LURAP1L: variants seen among roughly 807,000 people sequenced by gnomAD.
LURAP1L encodes leucine rich adaptor protein 1 like.
LURAP1L carries 12 observed loss-of-function variants against 13.8 expected under a neutral mutation model. The ratio of observed to expected loss-of-function variants is 0.87; its 90% CI spans 0.56 to 1.41. The LOEUF (loss-of-function observed/expected upper bound fraction) is 1.41. Ranked by LOEUF, LURAP1L falls within the 40% of genes most tolerant of loss-of-function variation. The pLI is 0.00. For synonymous variants in LURAP1L, 139 were observed against 119.2 expected (o/e 1.17, Z -1.08); for missense variants, 375 against 292.9 (o/e 1.28, Z -2.04).
chr9:12,795,589 G>C (rs1414637431), intron 1 of LURAP1L, among the ~76,000 whole-genome samples: 2 of 151,966 alleles, frequency 1.3e-5, no homozygotes, highest in Non-Finnish European at 2.9e-5. Flanking sequence ...TGGAGTTAAT[G>C]AGAACAAGAC....
intron 1 of LURAP1L, among the ~76,000 whole-genome samples, chr9:12,810,883 A>G (rs987701281): frequency 3.4e-5 from 5 of 148,900 alleles, no homozygotes; most frequent in African/African-American, 1.2e-4. Context: ...CACCACATGA[A>G]AAACAAAACA....
At chr9:12,805,166 C>G (rs532091675) in intron 1 of LURAP1L, among the ~76,000 whole-genome samples, 13 of 152,056 alleles carry the variant, frequency 8.5e-5, no homozygotes, top group African/African-American at 2.2e-4. Context: ...TCTGAGGCAG[C>G]ATTTTTATCT....
chr9:12,781,921 TTATTG>T (rs1428584799), intron 1 of LURAP1L, among the ~76,000 whole-genome samples: 1 of 152,146 alleles, frequency 6.6e-6, no homozygotes, highest in Non-Finnish European at 1.5e-5. Context: ...CCGGCATTAA[TTATTG>T]TTTGTTGTTT....
At chr9:12,776,059 G>C (rs754475530) in intron 1 of LURAP1L, 32 bp downstream of exon 1, 6 of 1,603,836 alleles carry the variant, frequency 3.7e-6, no homozygotes, top group Admixed American at 1.7e-5. Flanking sequence ...CGGGGGCTGG[G>C]ACCTGGGCTG....
intron 1 of LURAP1L, among the ~76,000 whole-genome samples, chr9:12,781,135 C>G (rs868359599): frequency 1.3e-5 from 2 of 152,068 alleles, no homozygotes; most frequent in South Asian, 4.1e-4. Flanking sequence ...CTACGCCCGA[C>G]TAATTTTGTA....
chr9:12,789,922 T>C (rs1332902946), intron 1 of LURAP1L, among the ~76,000 whole-genome samples: 1 of 152,204 alleles, frequency 6.6e-6, no homozygotes, highest in Non-Finnish European at 1.5e-5. Context: ...ACTTTAGTCT[T>C]ATACAATTTT....
At position 12,817,841 on chromosome 9, in the gene LURAP1L, T is replaced by C. The variant is rs1202326882; in HGVS notation, c.313-3545T>C. 2.6e-5 allele frequency among the ~76,000 whole-genome samples: 4 copies of C among 152,194 alleles called. No homozygotes were observed. In the East Asian group the frequency reaches 7.7e-4, roughly 29 times the overall value. Reference sequence around the variant, plus strand: ...GAATTGCTCATACTTTCAAGGGTCATCGGTAGCATAACTGCACCTTGGTGC... The same window carrying C: ...GAATTGCTCATACTTTCAAGGGTCACCGGTAGCATAACTGCACCTTGGTGC... On this transcript the variant is annotated intron_variant, in intron 1 of 1. Coordinates refer to ENST00000319264, the MANE Select transcript of LURAP1L (RefSeq NM_203403.2).
At chr9:12,786,225 T>A (rs1422378937) in intron 1 of LURAP1L, among the ~76,000 whole-genome samples, 1 of 151,980 alleles carries the variant, frequency 6.6e-6, no homozygotes, top group African/African-American at 2.4e-5. Context: ...GAAATTCTTA[T>A]CTAGTCAAAT....
intron 1 of LURAP1L, among the ~76,000 whole-genome samples, chr9:12,782,615 G>A (rs927221400): frequency 1.3e-5 from 2 of 152,156 alleles, no homozygotes; most frequent in South Asian, 2.1e-4. Context: ...TTTTATGCCA[G>A]TATCATGCTG....
chr9:12,813,436 T>C (rs1819764467), intron 1 of LURAP1L, among the ~76,000 whole-genome samples: 1 of 152,174 alleles, frequency 6.6e-6, no homozygotes, highest in South Asian at 2.1e-4. Flanking sequence ...GAGTATCTCT[T>C]ATCAATCCCA....
chr9:12,809,835 T>C (rs1268115083), intron 1 of LURAP1L, among the ~76,000 whole-genome samples: 2 of 152,334 alleles, frequency 1.3e-5, no homozygotes, highest in East Asian at 3.9e-4. Flanking sequence ...GTATCCTTGC[T>C]TTTGTCTACT....
intron 1 of LURAP1L, among the ~76,000 whole-genome samples, chr9:12,817,664 A>G (rs1445734297): frequency 1.3e-5 from 2 of 152,194 alleles, no homozygotes; most frequent in Non-Finnish European, 2.9e-5. Context: ...TAAGACTCCA[A>G]CAGAAGGAAC....
intron 1 of LURAP1L, among the ~76,000 whole-genome samples, chr9:12,798,062 G>A (rs1193274058): frequency 2.6e-5 from 4 of 152,040 alleles, no homozygotes; most frequent in Non-Finnish European, 4.4e-5. Context: ...TTGAATCAAA[G>A]TTTTAACATA....
intron 1 of LURAP1L, among the ~76,000 whole-genome samples, chr9:12,792,522 C>CAT (rs959793205): frequency 1.3e-5 from 2 of 152,098 alleles, no homozygotes; most frequent in African/African-American, 4.8e-5. Context: ...ATATTTGCAG[C>CAT]ATATATTTGC....
intron 1 of LURAP1L, among the ~76,000 whole-genome samples, chr9:12,787,417 G>T (rs1563888756): frequency 6.6e-6 from 1 of 152,072 alleles, no homozygotes; most frequent in African/African-American, 2.4e-5. Context: ...GTTGGCAAAG[G>T]ACACCATTCA....
intron 1 of LURAP1L, among the ~76,000 whole-genome samples, chr9:12,819,920 C>A (rs1358963593): frequency 6.6e-6 from 1 of 152,062 alleles, no homozygotes. Flanking sequence ...AGCCACTGCA[C>A]TCCCGCCTGG....
intron 1 of LURAP1L, among the ~76,000 whole-genome samples, chr9:12,817,121 T>G (rs1239380123): frequency 2.0e-5 from 3 of 152,226 alleles, no homozygotes; most frequent in South Asian, 2.1e-4. Context: ...AGGAATAACC[T>G]CACACCAGTT....
chr9:12,818,994 T>C (rs1456502882), intron 1 of LURAP1L, among the ~76,000 whole-genome samples: 1 of 152,204 alleles, frequency 6.6e-6, no homozygotes, highest in Admixed American at 6.5e-5. Context: ...ATGTTTGTTA[T>C]ATTACTTGTA....
intron 1 of LURAP1L, among the ~76,000 whole-genome samples, chr9:12,788,859 C>T (rs1037384084): frequency 6.6e-6 from 1 of 151,018 alleles, no homozygotes; most frequent in African/African-American, 2.4e-5. Context: ...GTCAGGAGTT[C>T]AAGACCAGCC....
Sources: gnomAD v4.1 joint callset for allele counts (sites outside exome capture counted in the v4.1 genomes callset) on GRCh38, gnomAD v4.1.1 for gene constraint, MANE v1.5 for transcripts, NCBI Gene and HGNC (gene_info 2026-07-23, HGNC 2026-07-21) for gene names.